The following RAD51AP1 variants were observed in gnomAD, a reference collection of about 807,000 sequenced individuals.
The protein encoded by RAD51AP1 is RAD51 associated protein 1, also known as RAD51-associated protein 1.
RAD51AP1 carries 14 observed loss-of-function variants against 34.3 expected under a neutral mutation model. That is an observed-to-expected ratio of 0.41 (90% CI 0.27 to 0.64). RAD51AP1 has a LOEUF of 0.64. Ranked by LOEUF, RAD51AP1 falls within the 30% of genes least tolerant of loss-of-function variation. RAD51AP1 has a pLI of 0.33. For missense variants in RAD51AP1, 348 were observed against 386.9 expected (o/e 0.90, Z 0.84); for synonymous variants, 114 against 129.8 (o/e 0.88, Z 0.83).
Position 4,546,363 on chromosome 12 carries a change from A to G in RAD51AP1, c.264A>G (p.Leu88=). ...GAGACTTAGAAGTTGCACTAGCTTT[A>G]TCAGTGAAGGAACTTCCAACAGTCA... ...YQRDLEVALA[L]SVKELPTVTT... is the part of the protein sequence containing the mutation. Residue 88 remains leucine (L), a synonymous_variant, in exon 4 of 9, where the codon TTA becomes TTG. Coordinates refer to ENST00000352618, the MANE Select transcript of RAD51AP1 (RefSeq NM_006479.5). 2 of 1,613,320 alleles carry G rather than the reference A, an allele frequency of 1.2e-6. No homozygotes were observed. The highest frequency in any genetic ancestry group is 1.7e-6 in the Non-Finnish European group (2 of 1,179,700).
chr12:4,541,761 TATTC>T (rs1944468014), intron 1 of RAD51AP1, 119 bp from the exon 2 acceptor site: 1 of 301,030 alleles, frequency 3.3e-6, no homozygotes, highest in African/African-American at 2.2e-5. Context: ...TTATTTCGTT[TATTC>T]ATTATTTATT....
Position 4,543,779 on chromosome 12 carries a change from A to C in RAD51AP1, c.84A>C (p.Ala28=). The change falls in exon 3 of 9, where the codon GCA becomes GCC. Residue 28 remains alanine, a synonymous_variant. Coordinates refer to ENST00000352618, the MANE Select transcript of RAD51AP1 (RefSeq NM_006479.5). ...CATGAATAGATGATTTTGTTTCTGCAACTGTACCTTTAAACAAGAAATCCA... is the reference window on the plus strand; with the variant it reads ...CATGAATAGATGATTTTGTTTCTGCCACTGTACCTTTAAACAAGAAATCCA... ...HSDSDDDFVS[A]TVPLNKKSRT... is the part of the protein sequence containing the mutation. 5.0e-6 allele frequency: 8 copies of C among 1,596,946 alleles called. No individual in the cohort carries two copies. Among genetic ancestry groups the C allele is most frequent in the Non-Finnish European group, 6.8e-6 (8 of 1,172,774 alleles).
intron 3 of RAD51AP1, chr12:4,545,884 T>TA: frequency 6.4e-7 from 1 of 1,573,100 alleles, no homozygotes; most frequent in Non-Finnish European, 8.7e-7. Context: ...GGAAGAGATG[T>TA]AAAAAAATGA....
intron 2 of RAD51AP1, among the ~76,000 whole-genome samples, chr12:4,542,702 A>T (rs1460155969): frequency 6.6e-6 from 1 of 152,044 alleles, no homozygotes; most frequent in Non-Finnish European, 1.5e-5. Flanking sequence ...AACAAGTATT[A>T]GTGCTTGCTG....
In RAD51AP1 at chr12:4,543,852, A is replaced by C. The variant is rs1944486727; in HGVS notation, c.157A>C (p.Asn53His). 1 of 1,612,910 alleles carries C rather than the reference A, an allele frequency of 6.2e-7. No homozygotes were observed. Among genetic ancestry groups the C allele is most frequent in the Non-Finnish European group, 8.5e-7 (1 of 1,179,286 alleles). ...ACAAGATAAACCAAAACCTAACTTG[A>C]ACAATCTCCGGAAAGAAGAAATCCC... is the stretch of plus-strand genomic sequence containing the variant. ...LKQDKPKPNL[N>H]NLRKEEIPVQ... The change falls in exon 3 of 9, where the codon AAC (asparagine) becomes CAC (histidine). Residue 53 changes from asparagine (N) to histidine (H), a missense_variant. Transcript: ENST00000352618.
chr12:4,557,254 T>TC (rs1225659791), intron 8 of RAD51AP1, among the ~76,000 whole-genome samples: 1 of 152,174 alleles, frequency 6.6e-6, no homozygotes, highest in Non-Finnish European at 1.5e-5. Flanking sequence ...TCTTCATGTG[T>TC]CCCCTCTCCT....
chr12:4,555,207 CA>C (rs1181870651), intron 7 of RAD51AP1, among the ~76,000 whole-genome samples: 1 of 152,032 alleles, frequency 6.6e-6, no homozygotes, highest in African/African-American at 2.4e-5. Context: ...TAAATAGAAC[CA>C]AAACATACTT....
At chr12:4,557,391 TACTTA>T (rs1944590119) in intron 8 of RAD51AP1, among the ~76,000 whole-genome samples, 1 of 152,212 alleles carries the variant, frequency 6.6e-6, no homozygotes, top group African/African-American at 2.4e-5. Flanking sequence ...GCTGCATGAT[TACTTA>T]ACTTACAGAG....
chr12:4,545,521 G>A (rs1318446640), intron 3 of RAD51AP1, among the ~76,000 whole-genome samples: 1 of 152,146 alleles, frequency 6.6e-6, no homozygotes, highest in African/African-American at 2.4e-5. Context: ...ACTAAAAACT[G>A]CTGAATTGTT....
intron 6 of RAD51AP1, among the ~76,000 whole-genome samples, chr12:4,551,016 C>G (rs924935035): frequency 6.6e-6 from 1 of 152,288 alleles, no homozygotes; most frequent in African/African-American, 2.4e-5. Context: ...TGAATTCAGG[C>G]TGGCATCACC....
Position 4,545,759 on chromosome 12 carries a change from C to G in RAD51AP1, c.210-550C>G, listed in dbSNP as rs762712030. ...ATAATTATTAGCATGTCTTGTTTCC[C>G]CACCCTCCTCCTTTAATTGCAGACT... is the stretch of plus-strand genomic sequence containing the variant. On this transcript the variant is annotated intron_variant, in intron 3 of 8. Coordinates refer to ENST00000352618, the MANE Select transcript of RAD51AP1 (RefSeq NM_006479.5). 8.7e-5 allele frequency: 140 copies of G among 1,611,580 alleles called. No homozygotes were observed. The Middle Eastern group carries it at 3.1e-3, about 36-fold the overall frequency.
intron 7 of RAD51AP1, among the ~76,000 whole-genome samples, chr12:4,555,620 C>T (rs1944576628): frequency 6.6e-6 from 1 of 152,194 alleles, no homozygotes; most frequent in Non-Finnish European, 1.5e-5. Flanking sequence ...TACACTGAAC[C>T]AGTCAGTACT....
chr12:4,556,322 C>G, intron 7 of RAD51AP1, 31 bp from the exon 8 acceptor site: 1 of 1,547,884 alleles, frequency 6.5e-7, no homozygotes, highest in Non-Finnish European at 8.9e-7. Flanking sequence ...TCCTGCATGA[C>G]AAACATTTTT....
intron 2 of RAD51AP1, among the ~76,000 whole-genome samples, chr12:4,543,212 A>C (rs931809530): frequency 1.3e-5 from 2 of 152,104 alleles, no homozygotes; most frequent in Non-Finnish European, 2.9e-5. Context: ...GGTGTCCGCC[A>C]CCATGCCTGG....
At chr12:4,551,494 C>CAAAA (rs1180432401) in intron 6 of RAD51AP1, among the ~76,000 whole-genome samples, 11,016 of 79,006 alleles carry the variant, frequency 0.14, 740 homozygotes, top group Non-Finnish European at 0.15. Context: ...GGCTCCATCT[C>CAAAA]AAAAAAAAAA....
rs906420681 is a variant in RAD51AP1, at chr12:4,545,267, T to G, written c.210-1042T>G. The G allele has an allele frequency of 1.1e-5, 5 of 442,742 alleles. No individual in the cohort carries two copies. The Middle Eastern group carries it at 1.0e-3, about 89-fold the overall frequency. The allele number at this position is 442,742 out of a possible 1,614,324, so 27.4% of individuals were successfully genotyped here. A position where few individuals can be genotyped will look rare whatever the true frequency, so the allele number is the denominator to read the frequency against. On this transcript the variant is annotated intron_variant, in intron 3 of 8. Transcript: ENST00000352618. The stretch of plus-strand genomic sequence containing the variant: ...TAACTGATATATACTGCAATATGGA[T>G]GAACCTTGGAAACATCATTCTGAGT...
chr12:4,543,177 C>A (rs975820071), intron 2 of RAD51AP1, among the ~76,000 whole-genome samples: 10 of 152,136 alleles, frequency 6.6e-5, no homozygotes, highest in African/African-American at 2.4e-4. Flanking sequence ...TCTCCCACCT[C>A]ACCTCCTGAG....
chr12:4,559,643 C>T lies in RAD51AP1; in HGVS notation c.*650C>T, dbSNP rs1944607277. 1.3e-5 allele frequency: 2 copies of T among 152,122 alleles called. No homozygotes were observed. The highest frequency in any genetic ancestry group is 2.9e-5 in the Non-Finnish European group (2 of 68,016). The allele number at this position is 152,122 out of a possible 1,614,324, so 9.4% of individuals were successfully genotyped here. A position where few individuals can be genotyped will look rare whatever the true frequency, so the allele number is the denominator to read the frequency against. On this transcript the variant is annotated 3_prime_UTR_variant, in exon 9 of 9. Coordinates refer to ENST00000352618, the MANE Select transcript of RAD51AP1 (RefSeq NM_006479.5). Reference sequence around the variant, plus strand: ...TTTTGAAATGCCCTTTTTCTTGATACCACTCATCCACGTGTTCCTGATTGT... The same window carrying T: ...TTTTGAAATGCCCTTTTTCTTGATATCACTCATCCACGTGTTCCTGATTGT...
chr12:4,551,062 T>C (rs1944542711), intron 6 of RAD51AP1, among the ~76,000 whole-genome samples: 1 of 152,274 alleles, frequency 6.6e-6, no homozygotes, highest in Admixed American at 6.5e-5. Flanking sequence ...ACACATTATA[T>C]GATTTCTGAT....
Sources: allele counts gnomAD v4.1 joint callset (sites outside exome capture counted in the v4.1 genomes callset), GRCh38; gene constraint gnomAD v4.1.1; transcripts MANE v1.5; gene names NCBI Gene and HGNC (gene_info 2026-07-23, HGNC 2026-07-21).